EYS: variants seen among roughly 807,000 people sequenced by gnomAD.
The protein encoded by EYS is protein eyes shut homolog.
Under a neutral mutation model 282.1 loss-of-function variants are expected in EYS, and 250 were observed. That is an observed-to-expected ratio of 0.89 (90% CI 0.80 to 0.98). The LOEUF is 0.98. EYS is among the 50% of genes least tolerant of loss of function. The pLI is 0.00. For missense variants in EYS, 4,016 were observed against 3,709.0 expected (o/e 1.08, Z -2.15); for synonymous variants, 1,355 against 1,282.9 (o/e 1.06, Z -1.20).
intron 19 of EYS, among the ~76,000 whole-genome samples, chr6:64,853,117 A>G (rs1699878178): frequency 6.6e-6 from 1 of 152,156 alleles, no homozygotes; most frequent in South Asian, 2.1e-4. Flanking sequence ...GATTAAATAT[A>G]GATATCTCTC....
At chr6:65,258,211 A>G (rs922025663) in intron 12 of EYS, among the ~76,000 whole-genome samples, 2 of 152,060 alleles carry the variant, frequency 1.3e-5, no homozygotes, top group Non-Finnish European at 2.9e-5. Context: ...ATCATTTTCC[A>G]GTTAGTGACA....
chr6:65,585,438 A>G (rs921010414), intron 2 of EYS, among the ~76,000 whole-genome samples: 1 of 151,958 alleles, frequency 6.6e-6, no homozygotes, highest in African/African-American at 2.4e-5. Flanking sequence ...GATGGTATAA[A>G]CACATATTGA....
At chr6:63,981,985 T>G (rs954675383) in intron 35 of EYS, among the ~76,000 whole-genome samples, 1 of 151,876 alleles carries the variant, frequency 6.6e-6, no homozygotes, top group Non-Finnish European at 1.5e-5. Context: ...ATATACATCC[T>G]GTTAGGAAGA....
At chr6:64,134,646 G>A (rs1774099765) in intron 31 of EYS, among the ~76,000 whole-genome samples, 1 of 152,026 alleles carries the variant, frequency 6.6e-6, no homozygotes. Flanking sequence ...TGGAAGGGAA[G>A]CAAGCAATAG....
rs539354246 is a variant in EYS, at chr6:64,572,042, G to A, written c.5644+18181C>T. 2.0e-5 allele frequency among the ~76,000 whole-genome samples: 3 copies of A among 152,076 alleles called. 1 individual carries two copies. Among genetic ancestry groups the A allele is most frequent in the Non-Finnish European group, 2.9e-5 (2 of 67,974 alleles). On this transcript the variant is annotated intron_variant, in intron 26 of 42. Coordinates refer to ENST00000503581, the MANE Select transcript of EYS (RefSeq NM_001142800.2). ...ATGCAAAAATCCTCAAGAAAATACC[G>A]GCAAACTGAATCCAGCAGCACATCA...
chr6:63,996,914 T>C (rs1767862788), intron 34 of EYS, among the ~76,000 whole-genome samples: 1 of 152,176 alleles, frequency 6.6e-6, no homozygotes, highest in African/African-American at 2.4e-5. Flanking sequence ...ATACAGGTGT[T>C]TTTTCTTATC....
intron 26 of EYS, among the ~76,000 whole-genome samples, chr6:64,484,171 A>T (rs1426915037): frequency 1.3e-5 from 2 of 151,580 alleles, no homozygotes; most frequent in Non-Finnish European, 3.0e-5. Context: ...CTTCCTGTGT[A>T]TCTTAAGGGA....
At chr6:64,108,208 G>A (rs1773094292) in intron 31 of EYS, among the ~76,000 whole-genome samples, 1 of 152,042 alleles carries the variant, frequency 6.6e-6, no homozygotes, top group Non-Finnish European at 1.5e-5. Flanking sequence ...GTGTCCCCTT[G>A]GAATTTTCTC....
At chr6:64,275,719 G>A (rs1242220659) in intron 30 of EYS, among the ~76,000 whole-genome samples, 1 of 151,564 alleles carries the variant, frequency 6.6e-6, no homozygotes, top group African/African-American at 2.4e-5. Flanking sequence ...CACTTTGGGA[G>A]GCCGAGGCGG....
At chr6:63,968,078 A>C (rs1000350763) in intron 35 of EYS, among the ~76,000 whole-genome samples, 2 of 151,356 alleles carry the variant, frequency 1.3e-5, no homozygotes, top group African/African-American at 4.9e-5. Flanking sequence ...TCACATTATG[A>C]ATTTTTTCTG....
intron 13 of EYS, among the ~76,000 whole-genome samples, chr6:65,013,653 A>G (rs1771951478): frequency 6.6e-6 from 1 of 152,016 alleles, no homozygotes; most frequent in Non-Finnish European, 1.5e-5. Flanking sequence ...AGGTGGGAGG[A>G]TTGTTTGAGG....
chr6:63,730,919 G>A (rs1488297044), intron 41 of EYS, among the ~76,000 whole-genome samples: 2 of 152,176 alleles, frequency 1.3e-5, no homozygotes, highest in Admixed American at 6.5e-5. Flanking sequence ...TATTCAGGAG[G>A]CTGAGGCAGG....
Position 65,176,447 on chromosome 6 carries a change from A to C in EYS, c.2024-118720T>G, listed in dbSNP as rs561220249. On this transcript the variant is annotated intron_variant, in intron 12 of 42. Transcript: ENST00000503581. ...ATAATTTAGTGAATAGTAAAGATTCACAACACAAAACTTAGGTTATAATTT... is the reference window on the plus strand; with the variant it reads ...ATAATTTAGTGAATAGTAAAGATTCCCAACACAAAACTTAGGTTATAATTT... Among the ~76,000 whole-genome samples the C allele has an allele frequency of 2.8e-4, 43 of 151,808 alleles. 1 individual carries two copies. The East Asian group carries it at 6.3e-3, about 22-fold the overall frequency.
chr6:65,595,021 G>A lies in EYS; in HGVS notation c.-333+44757C>T, dbSNP rs9784781. Among the ~76,000 whole-genome samples, 1,499 of 151,972 alleles carry A rather than the reference G, an allele frequency of 9.9e-3. 22 individuals are homozygous for A. Among genetic ancestry groups the A allele is most frequent in the African/African-American group, 0.034 (1,414 of 41,470 alleles). The stretch of plus-strand genomic sequence containing the variant: ...GGGCTCTGTTCTGTTCCATTGGTCT[G>A]TATCTCTGTTTTGGTACCAGTACCA... On this transcript the variant is annotated intron_variant, in intron 2 of 42. Transcript: ENST00000503581.
intron 35 of EYS, among the ~76,000 whole-genome samples, chr6:63,974,182 A>T (rs1260802857): frequency 6.6e-6 from 1 of 152,102 alleles, no homozygotes; most frequent in Non-Finnish European, 1.5e-5. Context: ...ATGTTTAATT[A>T]TATGTAAAAA....
intron 31 of EYS, among the ~76,000 whole-genome samples, chr6:64,156,623 T>C (rs3013161): frequency 0.45 from 67,740 of 152,020 alleles, 17,189 homozygotes; most frequent in African/African-American, 0.7. Context: ...AGTCTGATAG[T>C]GATATGGACA....
At chr6:65,491,221 T>G (rs1022394285) in intron 4 of EYS, 1 of 172,482 alleles carries the variant, frequency 5.8e-6, no homozygotes, top group Admixed American at 5.7e-5. Context: ...TATCAAATTT[T>G]CCAAATCTCA....
At chr6:63,788,286 T>A in intron 38 of EYS, 37 bp from the exon 39 acceptor site, 4 of 1,458,082 alleles carry the variant, frequency 2.7e-6, no homozygotes, top group Non-Finnish European at 3.7e-6. Context: ...AAAAAGGAAT[T>A]AATTCCCCAG....
chr6:64,721,446 A>G (rs1242457179), intron 22 of EYS, among the ~76,000 whole-genome samples: 1 of 152,144 alleles, frequency 6.6e-6, no homozygotes, highest in East Asian at 1.9e-4. Flanking sequence ...GAGGAAGTGG[A>G]AAATCCTAGA....
Sources: gnomAD v4.1 joint callset for allele counts (sites outside exome capture counted in the v4.1 genomes callset) on GRCh38, gnomAD v4.1.1 for gene constraint, MANE v1.5 for transcripts, NCBI Gene and HGNC (gene_info 2026-07-23, HGNC 2026-07-21) for gene names.